Variants in RTTN observed in about 807,000 individuals in gnomAD.
RTTN encodes the protein rotatin.
Under a neutral mutation model 269.2 loss-of-function variants are expected in RTTN, and 182 were observed. That is an observed-to-expected ratio of 0.68 (90% CI 0.60 to 0.76). The LOEUF (loss-of-function observed/expected upper bound fraction) is 0.76. RTTN is among the 30% of genes least tolerant of loss of function. RTTN has a pLI of 0.00. For synonymous variants in RTTN, 1,006 were observed against 963.5 expected (o/e 1.04, Z -0.82); for missense variants, 2,545 against 2,608.6 (o/e 0.98, Z 0.53).
intron 34 of RTTN, 54 bp downstream of exon 34, chr18:70,073,852 C>T: frequency 7.4e-7 from 1 of 1,357,754 alleles, no homozygotes; most frequent in Admixed American, 1.7e-5. Flanking sequence ...ACTAGGCAAA[C>T]TCAAATTTTT....
At chr18:70,021,894 G>A (rs2056715428) in intron 44 of RTTN, among the ~76,000 whole-genome samples, 1 of 152,140 alleles carries the variant, frequency 6.6e-6, no homozygotes, top group African/African-American at 2.4e-5. Context: ...CTTAACTGTT[G>A]TGAGTTCCAG....
chr18:70,155,313 G>T (rs746085943), intron 14 of RTTN, among the ~76,000 whole-genome samples: 4 of 152,094 alleles, frequency 2.6e-5, no homozygotes, highest in Non-Finnish European at 2.9e-5. Context: ...AAGCTACCCT[G>T]CCAAAGAAGA....
In RTTN at chr18:70,031,036, C is replaced by T. The variant is rs544642491; in HGVS notation, c.5542-55G>A. Reference sequence around the variant, plus strand: ...AAGAAATATTTAATCTGGAGCAAAACTGTTGTGAATAAAGAACATTTTCTA... The same window carrying T: ...AAGAAATATTTAATCTGGAGCAAAATTGTTGTGAATAAAGAACATTTTCTA... On this transcript the variant is annotated intron_variant, in intron 40 of 48. Coordinates refer to ENST00000640769, the MANE Select transcript of RTTN (RefSeq NM_173630.4). 8 of 1,223,002 alleles carry T rather than the reference C, an allele frequency of 6.5e-6. No homozygotes were observed. The African/African-American group carries it at 7.5e-5, about 11-fold the overall frequency. 75.8% of individuals were successfully genotyped at this position (1,223,002 alleles called of 1,614,324 possible).
At chr18:70,143,856 C>T (rs1283573032) in intron 18 of RTTN, among the ~76,000 whole-genome samples, 1 of 151,628 alleles carries the variant, frequency 6.6e-6, no homozygotes, top group Non-Finnish European at 1.5e-5. Flanking sequence ...AATAAGTTTT[C>T]CTTTTTTTTT....
chr18:70,059,063 G>A (rs1022980371), intron 36 of RTTN, among the ~76,000 whole-genome samples: 5 of 152,172 alleles, frequency 3.3e-5, no homozygotes, highest in Admixed American at 1.3e-4. Context: ...TGGTCAAAAG[G>A]AGGTGGGTAT....
rs753144850 is a variant in RTTN at position 70,150,685 on chromosome 18, T to A, written c.1978A>T (p.Asn660Tyr). 6.2e-7 allele frequency: 1 copy of A among 1,610,524 alleles called. No homozygotes were observed. Among genetic ancestry groups the A allele is most frequent in the African/African-American group, 1.3e-5 (1 of 74,810 alleles). Residue 660 changes from asparagine to tyrosine, a missense_variant, in exon 15 of 49, where the codon AAT becomes TAT. Coordinates refer to ENST00000640769, the MANE Select transcript of RTTN (RefSeq NM_173630.4). ...GGATGAAGTAGAAAATGAATTCCATTGCAAAGTGAAGACACGGGTTTAGTG... is the reference window on the plus strand; with the variant it reads ...GGATGAAGTAGAAAATGAATTCCATAGCAAAGTGAAGACACGGGTTTAGTG... ...NVTKPVSSLC[N>Y]GIHFLLHPKV... is the part of the protein sequence containing the mutation.
In RTTN at chr18:70,109,790, T is replaced by C. The variant is rs535625963; in HGVS notation, c.3684-73A>G. 996 of 1,205,176 alleles carry C rather than the reference T, an allele frequency of 8.3e-4. 17 individuals carry two copies. In the South Asian group the frequency reaches 0.012, roughly 15 times the overall value. 74.7% of individuals were successfully genotyped at this position (1,205,176 alleles called of 1,614,324 possible). On this transcript the variant is annotated intron_variant, in intron 27 of 48. Coordinates refer to ENST00000640769, the MANE Select transcript of RTTN (RefSeq NM_173630.4). ...GCTTAATGGGCTATCTTACTGGCTA[T>C]AAAAGGTTACTTAAACTCATAGTAA...
chr18:70,057,883 T>C (rs2057863927), intron 36 of RTTN, 51 bp from the exon 37 acceptor site: 1 of 1,288,372 alleles, frequency 7.8e-7, no homozygotes, highest in Admixed American at 1.9e-5. Context: ...ATACTTTTTA[T>C]TAAAGATTAA....
Position 70,153,463 on chromosome 18 carries a change from A to G in RTTN, c.1930-2730T>C, listed in dbSNP as rs140262857. 2.8e-4 allele frequency among the ~76,000 whole-genome samples: 42 copies of G among 152,216 alleles called. No homozygotes were observed. The East Asian group carries it at 8.1e-3, about 29-fold the overall frequency. On this transcript the variant is annotated intron_variant, in intron 14 of 48. Coordinates refer to ENST00000640769, the MANE Select transcript of RTTN (RefSeq NM_173630.4). ...GCATATGGTAAAGTGTCCAGTAAAT[A>G]TTGCTAAATGAATGTTAGATGTAGG...
chr18:70,128,409 T>G lies in RTTN; in HGVS notation c.3092A>C (p.His1031Pro), dbSNP rs753007867. The change falls in exon 24 of 49, where the codon CAT becomes CCT. Residue 1031 changes from histidine to proline, a missense_variant. His to Pro is a moderately conservative substitution (Grantham distance 77). Transcript: ENST00000640769. ...TTGCTTCAACAGATTATCACTCCCATGATACCATGACAGGTTCCAAGCTAT... is the reference window on the plus strand; with the variant it reads ...TTGCTTCAACAGATTATCACTCCCAGGATACCATGACAGGTTCCAAGCTAT... ...LRIAWNLSWY[H>P]GSDNLLKQMN... The G allele has an allele frequency of 8.7e-5, 140 of 1,613,108 alleles. No homozygotes were observed. The highest frequency in any genetic ancestry group is 1.1e-4 in the Non-Finnish European group (126 of 1,179,480).
chr18:70,122,393 A>C (rs893888100), intron 25 of RTTN, among the ~76,000 whole-genome samples: 1 of 152,140 alleles, frequency 6.6e-6, no homozygotes, highest in Non-Finnish European at 1.5e-5. Context: ...TTTATCTGTA[A>C]TGTTTTATTT....
intron 40 of RTTN, among the ~76,000 whole-genome samples, chr18:70,036,820 G>C (rs1001318873): frequency 8.5e-5 from 13 of 152,188 alleles, no homozygotes; most frequent in Non-Finnish European, 5.9e-5. Context: ...ACCGTCACGA[G>C]AACCAAAAAT....
chr18:70,166,855 C>A, intron 13 of RTTN, 64 bp downstream of exon 13: 1 of 1,070,500 alleles, frequency 9.3e-7, no homozygotes, highest in South Asian at 1.5e-5. Flanking sequence ...TTCACTGTTT[C>A]TAAGTTTACA....
At chr18:70,174,825 A>T (rs1415405937) in intron 11 of RTTN, among the ~76,000 whole-genome samples, 1 of 151,654 alleles carries the variant, frequency 6.6e-6, no homozygotes, top group Admixed American at 6.6e-5. Flanking sequence ...GTTCAAGATC[A>T]GCCTGGCAAA....
chr18:70,203,358 A>G (rs1259763630), intron 3 of RTTN, among the ~76,000 whole-genome samples: 2 of 152,050 alleles, frequency 1.3e-5, no homozygotes, highest in African/African-American at 4.8e-5. Flanking sequence ...GCCCGCCACT[A>G]TGTCCGGCTA....
intron 44 of RTTN, among the ~76,000 whole-genome samples, chr18:70,024,117 T>G (rs1479924200): frequency 6.6e-6 from 1 of 152,158 alleles, no homozygotes; most frequent in African/African-American, 2.4e-5. Context: ...ATCATGCCAC[T>G]CACCAGCTTA....
In RTTN at chr18:70,178,120, C is replaced by T. The variant is rs189284698; in HGVS notation, c.1306-1275G>A. 2.4e-4 allele frequency among the ~76,000 whole-genome samples: 37 copies of T among 152,216 alleles called. No individual in the cohort carries two copies. In the East Asian group the frequency reaches 4.3e-3, roughly 18 times the overall value. ...AAAGGAGGCCGGACGCGATGGCTCA[C>T]GCCTGTAATCCCAGCAGGATTGAAC... On this transcript the variant is annotated intron_variant, in intron 10 of 48. Coordinates refer to ENST00000640769, the MANE Select transcript of RTTN (RefSeq NM_173630.4).
intron 43 of RTTN, 40 bp from the exon 44 acceptor site, chr18:70,024,888 T>C (rs748080395): frequency 3.8e-5 from 61 of 1,593,148 alleles, no homozygotes; most frequent in Middle Eastern, 1.7e-4. Flanking sequence ...AGTCTGAATA[T>C]ATGAAAATAT....
intron 40 of RTTN, among the ~76,000 whole-genome samples, chr18:70,033,910 A>C (rs2365743): frequency 0.9 from 136,023 of 151,948 alleles, 62,383 homozygotes; most frequent in East Asian, 1. Context: ...AGAGAAATAA[A>C]CATCAGAGAC....
Sources: gnomAD v4.1 joint callset for allele counts (sites outside exome capture counted in the v4.1 genomes callset) on GRCh38, gnomAD v4.1.1 for gene constraint, MANE v1.5 for transcripts, NCBI Gene and HGNC (gene_info 2026-07-23, HGNC 2026-07-21) for gene names.